Variants in DIPK2B observed in about 807,000 individuals in gnomAD.
DIPK2B encodes the protein UPF0672 protein CXorf36.
In DIPK2B, 15 loss-of-function variants were observed where a neutral mutation model predicts 22.2. The observed-to-expected ratio is 0.68, with a 90% CI of 0.45 to 1.04. The LOEUF (loss-of-function observed/expected upper bound fraction) is 1.04, where lower values mean the gene tolerates loss of function less well. Ranked by LOEUF, DIPK2B falls within the 50% of genes least tolerant of loss-of-function variation. The pLI is 0.00. For missense variants in DIPK2B, 345 were observed against 348.3 expected (o/e 0.99, Z 0.08); for synonymous variants, 163 against 153.2 (o/e 1.06, Z -0.47).
chrX:45,182,244 C>T (rs1470857985), intron 2 of DIPK2B, among the ~76,000 whole-genome samples: 1 of 111,128 alleles, frequency 9.0e-6, no homozygotes, highest in Admixed American at 9.6e-5. Flanking sequence ...ACAAACTAAA[C>T]CCAGTACTTT....
At chrX:45,175,583 A>G (rs2047112815) in intron 2 of DIPK2B, among the ~76,000 whole-genome samples, 1 of 96,175 alleles carries the variant, frequency 1.0e-5, no homozygotes, top group Non-Finnish European at 2.0e-5. Flanking sequence ...ATATATACGT[A>G]TATGTTTAAA....
intron 2 of DIPK2B, among the ~76,000 whole-genome samples, chrX:45,178,238 A>T (rs1233038220): frequency 8.9e-6 from 1 of 112,358 alleles, no homozygotes; most frequent in African/African-American, 3.2e-5. Flanking sequence ...TTGAAATAGT[A>T]TCCAAAATGC....
At chrX:45,169,228 G>A (rs952482852) in intron 2 of DIPK2B, among the ~76,000 whole-genome samples, 1 of 111,812 alleles carries the variant, frequency 8.9e-6, no homozygotes, top group Non-Finnish European at 1.9e-5. Flanking sequence ...CGTTGAGAGG[G>A]TCAAGGTTGT....
chrX:45,186,835 GCCCT>G (rs996788032), intron 2 of DIPK2B, among the ~76,000 whole-genome samples: 4 of 111,938 alleles, frequency 3.6e-5, no homozygotes, highest in African/African-American at 1.3e-4. Context: ...ATACCCTTAT[GCCCT>G]CCTAGCGCCT....
intron 2 of DIPK2B, chrX:45,162,899 ATGCTGAGAGT>A: frequency 1.3e-6 from 1 of 754,036 alleles, no homozygotes; most frequent in Non-Finnish European, 1.6e-6. Flanking sequence ...GTTCAGGGTG[ATGCTGAGAGT>A]GGCTGTCACA....
rs189204561 is a variant in DIPK2B, at chrX:45,175,722, T to C, written c.498+16029A>G. Reference sequence around the variant, plus strand: ...ATACATATATGTGTGTATATGTACATATATGTATGTATACTTTATACATTT... The same window carrying C: ...ATACATATATGTGTGTATATGTACACATATGTATGTATACTTTATACATTT... On this transcript the variant is annotated intron_variant, in intron 2 of 4. Coordinates refer to ENST00000398000, the MANE Select transcript of DIPK2B (RefSeq NM_176819.4). Among the ~76,000 whole-genome samples the C allele has an allele frequency of 5.3e-3, 540 of 101,584 alleles. 4 individuals are homozygous for C. The highest frequency in any genetic ancestry group is 0.018 in the African/African-American group (511 of 28,021). The allele number at this position is 101,584 out of a possible 115,157, so 88.2% of individuals were successfully genotyped here.
intron 2 of DIPK2B, among the ~76,000 whole-genome samples, chrX:45,174,156 C>T (rs2047103505): frequency 9.0e-6 from 1 of 111,442 alleles, no homozygotes; most frequent in Non-Finnish European, 1.9e-5. Flanking sequence ...AATGGTCCTT[C>T]GGGACCATTG....
chrX:45,157,726 T>A lies in DIPK2B; in HGVS notation c.661A>T (p.Ile221Phe). 1 of 1,193,286 alleles carries A rather than the reference T, an allele frequency of 8.4e-7. No homozygotes were observed. The highest frequency in any genetic ancestry group is 1.8e-5 in the South Asian group (1 of 54,311). ...LYTLAVNSHP[I>F]LLQIFPGAEG... ...AGGTCGCTGCATACCTGTAGGAGGA[T>A]GGGGTGCGAGTTGACAGCCAGCGTG... Residue 221 changes from isoleucine to phenylalanine, a missense_variant, in exon 3 of 5, where the codon ATC becomes TTC. Coordinates refer to ENST00000398000, the MANE Select transcript of DIPK2B (RefSeq NM_176819.4).
intron 2 of DIPK2B, among the ~76,000 whole-genome samples, chrX:45,167,080 AAT>A (rs2047052567): frequency 8.9e-6 from 1 of 112,784 alleles, no homozygotes; most frequent in Non-Finnish European, 1.9e-5. Flanking sequence ...TAATTAAAAC[AAT>A]GTTGATTCAA....
intron 2 of DIPK2B, among the ~76,000 whole-genome samples, chrX:45,174,147 A>G (rs1162860706): frequency 9.0e-6 from 1 of 111,671 alleles, no homozygotes; most frequent in Non-Finnish European, 1.9e-5. Context: ...ACTAGGCTCA[A>G]TGGTCCTTCG....
intron 2 of DIPK2B, among the ~76,000 whole-genome samples, chrX:45,160,664 C>T (rs1191672116): frequency 8.9e-6 from 1 of 111,781 alleles, no homozygotes; most frequent in Non-Finnish European, 1.9e-5. Context: ...AGAGAATGTG[C>T]TAGAAACTAC....
intron 2 of DIPK2B, among the ~76,000 whole-genome samples, chrX:45,184,615 C>T (rs1467753170): frequency 8.9e-6 from 1 of 111,875 alleles, no homozygotes; most frequent in African/African-American, 3.2e-5. Flanking sequence ...CTTGATAATC[C>T]TAAGAGAGAA....
chrX:45,189,152 C>T (rs929454596), intron 2 of DIPK2B, among the ~76,000 whole-genome samples: 5 of 112,441 alleles, frequency 4.4e-5, no homozygotes, highest in Non-Finnish European at 7.5e-5. Flanking sequence ...CTCAGCCTCC[C>T]AAAGTGCTTG....
chrX:45,194,482 T>C (rs192836813), intron 1 of DIPK2B, among the ~76,000 whole-genome samples: 87 of 110,979 alleles, frequency 7.8e-4, no homozygotes, highest in South Asian at 6.9e-3. Context: ...ACTCCTGTCT[T>C]CAAGTGATCC....
At chrX:45,154,278 C>CCTATCTATCTATCTAT (rs57660875) in intron 3 of DIPK2B, 80 bp from the exon 4 acceptor site, 576 of 598,645 alleles carry the variant, frequency 9.6e-4, no homozygotes, top group South Asian at 1.2e-3. Flanking sequence ...TATCTATCTC[C>CCTATCTATCTATCTAT]CTATCTATCT....
At position 45,164,329 on chromosome X, in the gene DIPK2B, C is replaced by T. The variant is rs2047036963; in HGVS notation, c.499-6441G>A. The T allele has an allele frequency of 3.9e-6, 4 of 1,031,226 alleles. No homozygotes were observed. The East Asian group carries it at 1.3e-4, about 33-fold the overall frequency. The allele number at this position is 1,031,226 out of a possible 1,213,427, so 85.0% of individuals were successfully genotyped here. A position where few individuals can be genotyped will look rare whatever the true frequency, so the allele number is the denominator to read the frequency against. On this transcript the variant is annotated intron_variant, in intron 2 of 4. Transcript: ENST00000398000. ...GTGACATTAATTTTCGCAGCTCTGG[C>T]TGTTAAATGCAAATGGCAGATAGCA...
intron 2 of DIPK2B, chrX:45,162,448 T>C (rs1569544593): frequency 1.3e-6 from 1 of 752,302 alleles, no homozygotes; most frequent in Non-Finnish European, 1.6e-6. Flanking sequence ...CCTCCCTTTA[T>C]GATGGAGGCA....
At chrX:45,179,184 C>T (rs73634321) in intron 2 of DIPK2B, among the ~76,000 whole-genome samples, 2,029 of 110,846 alleles carry the variant, frequency 0.018, 50 homozygotes, top group African/African-American at 0.063. Flanking sequence ...CAGCCTCCTT[C>T]CCCCAACAAA....
chrX:45,186,169 T>TAG (rs1318753467), intron 2 of DIPK2B, among the ~76,000 whole-genome samples: 1 of 112,001 alleles, frequency 8.9e-6, no homozygotes. Flanking sequence ...AATTAGATGA[T>TAG]TCAAAATCTT....
Sources: gnomAD v4.1 joint callset for allele counts (sites outside exome capture counted in the v4.1 genomes callset) on GRCh38, gnomAD v4.1.1 for gene constraint, MANE v1.5 for transcripts, NCBI Gene and HGNC (gene_info 2026-07-23, HGNC 2026-07-21) for gene names.